The following AGBL1 variants were observed in gnomAD, a reference collection of about 807,000 sequenced individuals.
AGBL1 encodes the protein cytosolic carboxypeptidase 4.
A neutral mutation model predicts 118.9 loss-of-function variants in AGBL1; 130 were observed. That is an observed-to-expected ratio of 1.09 (90% confidence interval 0.95 to 1.26). The LOEUF is 1.26. AGBL1 is among the 50% of genes most tolerant of loss of function. AGBL1 has a pLI of 0.00. For missense variants in AGBL1, 1,584 were observed against 1,298.1 expected, an observed-to-expected ratio of 1.22 and a Z score of -3.38; for synonymous variants, 555 against 478.9, an observed-to-expected ratio of 1.16 and a Z score of -2.08.
chr15:86,631,907 G>A (rs147057120), intron 21 of AGBL1, among the ~76,000 whole-genome samples: 1,553 of 152,196 alleles, frequency 0.01, 16 homozygotes, highest in Middle Eastern at 0.024. Context: ...TAATTAGGTC[G>A]GCCAGGTGCT....
chr15:86,862,499 C>T (rs547394673), intron 22 of AGBL1, among the ~76,000 whole-genome samples: 49 of 152,262 alleles, frequency 3.2e-4, no homozygotes, highest in Middle Eastern at 3.4e-3. Flanking sequence ...GCGGGCGGAT[C>T]GCCTGAGGTC....
intron 23 of AGBL1, among the ~76,000 whole-genome samples, chr15:86,962,856 A>C (rs1235896008): frequency 1.3e-5 from 2 of 152,078 alleles, no homozygotes; most frequent in Non-Finnish European, 2.9e-5. Context: ...TCCCCAGCTG[A>C]TTCCTGTGCA....
At chr15:87,017,230 C>G (rs1281280909) in intron 24 of AGBL1, among the ~76,000 whole-genome samples, 1 of 151,970 alleles carries the variant, frequency 6.6e-6, no homozygotes, top group Non-Finnish European at 1.5e-5. Context: ...TCTGGACAGT[C>G]CAGATGAGGA....
rs2081500164 is a variant in AGBL1, at chr15:87,006,161, AGTCT to A, written c.3323+18080_3323+18083del. Reference sequence around the variant, plus strand: ...GGGTCAGGGACCCACTTGAGGAGGCAGTCTGTCTGTTCTTAGATCTCCAGCTGCA... The same window carrying A: ...GGGTCAGGGACCCACTTGAGGAGGCAGTCTGTTCTTAGATCTCCAGCTGCA... On this transcript the variant is annotated intron_variant, in intron 24 of 24. Coordinates refer to the AGBL1 transcript ENST00000441037. Among the ~76,000 whole-genome samples, 4 of 152,338 alleles carry A rather than the reference AGTCT, an allele frequency of 2.6e-5. No individual in the cohort carries two copies. The South Asian group carries it at 8.3e-4, about 32-fold the overall frequency.
At chr15:86,721,577 T>G (rs1193570357) in intron 22 of AGBL1, among the ~76,000 whole-genome samples, 4 of 152,214 alleles carry the variant, frequency 2.6e-5, no homozygotes, top group African/African-American at 9.7e-5. Flanking sequence ...CTGGAAGTAT[T>G]CCCTTTGAAA....
chr15:86,728,957 A>C (rs1201828777), intron 22 of AGBL1, among the ~76,000 whole-genome samples: 1 of 152,194 alleles, frequency 6.6e-6, no homozygotes, highest in Non-Finnish European at 1.5e-5. Flanking sequence ...TGATGTATCT[A>C]CAGAGTTCAG....
intron 18 of AGBL1, among the ~76,000 whole-genome samples, chr15:86,445,240 A>G (rs923080273): frequency 1.3e-5 from 2 of 152,248 alleles, no homozygotes; most frequent in African/African-American, 4.8e-5. Context: ...CAAGTCAGCC[A>G]TGAGGATTTG....
chr15:86,978,475 A>G (rs1372804891), intron 23 of AGBL1, among the ~76,000 whole-genome samples: 1 of 152,254 alleles, frequency 6.6e-6, no homozygotes, highest in African/African-American at 2.4e-5. Context: ...AGCCTGACTT[A>G]CAAAGCTGGG....
intron 5 of AGBL1, among the ~76,000 whole-genome samples, chr15:86,198,312 G>GATTGTATTCTGAATACA (rs1555446722): frequency 2.6e-5 from 4 of 152,288 alleles, no homozygotes; most frequent in South Asian, 2.1e-4. Flanking sequence ...CCTGAGAATA[G>GATTGTATTCTGAATACA]ATTGTATTCT....
chr15:86,281,855 G>A (rs1458294697), intron 16 of AGBL1, among the ~76,000 whole-genome samples: 1 of 152,204 alleles, frequency 6.6e-6, no homozygotes, highest in African/African-American at 2.4e-5. Flanking sequence ...TCATCATTGT[G>A]TGATGATACA....
At chr15:86,658,170 G>A (rs201433225) in intron 21 of AGBL1, among the ~76,000 whole-genome samples, 199 of 152,062 alleles carry the variant, frequency 1.3e-3, no homozygotes, top group African/African-American at 4.0e-3. Flanking sequence ...ATGTATTCTC[G>A]TAGCATCCTG....
intron 18 of AGBL1, among the ~76,000 whole-genome samples, chr15:86,485,233 G>C (rs2082698539): frequency 1.3e-5 from 2 of 152,140 alleles, no homozygotes; most frequent in Non-Finnish European, 1.5e-5. Context: ...TGCCAAACCT[G>C]TGAAATTCAA....
chr15:86,596,557 T>C (rs1243383502), intron 21 of AGBL1, among the ~76,000 whole-genome samples: 1 of 152,190 alleles, frequency 6.6e-6, no homozygotes, highest in African/African-American at 2.4e-5. Flanking sequence ...TGTGGTTTTC[T>C]GCAATTCCTG....
At chr15:86,679,008 A>G (rs1336675582) in intron 22 of AGBL1, among the ~76,000 whole-genome samples, 1 of 152,048 alleles carries the variant, frequency 6.6e-6, no homozygotes, top group African/African-American at 2.4e-5. Context: ...TAAATGTATG[A>G]TGTTGCAAAC....
At chr15:86,722,449 G>A (rs1304740370) in intron 22 of AGBL1, among the ~76,000 whole-genome samples, 2 of 152,192 alleles carry the variant, frequency 1.3e-5, no homozygotes, top group Admixed American at 1.3e-4. Flanking sequence ...AAACTGGCTA[G>A]CCATCTGTAG....
At chr15:86,355,293 A>C (rs993585143) in intron 17 of AGBL1, among the ~76,000 whole-genome samples, 25 of 152,222 alleles carry the variant, frequency 1.6e-4, no homozygotes, top group Non-Finnish European at 8.8e-5. Context: ...CAGATATTTC[A>C]GGAAAAGTAT....
intron 15 of AGBL1, among the ~76,000 whole-genome samples, chr15:86,278,850 T>C (rs80292661): frequency 0.026 from 3,955 of 152,338 alleles, 184 homozygotes; most frequent in African/African-American, 0.083. Flanking sequence ...AGCAATTTTC[T>C]TTGATACTGT....
chr15:86,763,901 T>C (rs1477354279), intron 22 of AGBL1, among the ~76,000 whole-genome samples: 1 of 152,018 alleles, frequency 6.6e-6, no homozygotes, highest in African/African-American at 2.4e-5. Flanking sequence ...AGAGACTGCA[T>C]CCAAGTGATG....
chr15:86,607,305 C>T (rs1489636097), intron 21 of AGBL1, among the ~76,000 whole-genome samples: 1 of 152,142 alleles, frequency 6.6e-6, no homozygotes, highest in Non-Finnish European at 1.5e-5. Flanking sequence ...ATTTCAAGCC[C>T]TTTTTACTTT....
Sources: allele counts gnomAD v4.1 joint callset (sites outside exome capture counted in the v4.1 genomes callset), GRCh38; gene constraint gnomAD v4.1.1; transcripts MANE v1.5; gene names NCBI Gene and HGNC (gene_info 2026-07-23, HGNC 2026-07-21).